Variants in DGKB observed in about 807,000 individuals in gnomAD.
DGKB encodes 90 kDa diacylglycerol kinase.
Under a neutral mutation model 114.3 loss-of-function variants are expected in DGKB, and 67 were observed. The ratio of observed to expected loss-of-function variants is 0.59; its 90% CI spans 0.48 to 0.72. DGKB has a LOEUF of 0.72. DGKB is among the 30% of genes least tolerant of loss of function. The probability of loss-of-function intolerance (pLI) is 0.00; values close to 1 mark genes in which losing one functional copy is unlikely to be tolerated. For missense variants in DGKB, 907 were observed against 975.2 expected, an observed-to-expected ratio of 0.93 and a Z score of 0.93; for synonymous variants, 398 against 323.1, an observed-to-expected ratio of 1.23 and a Z score of -2.49.
chr7:14,486,638 A>G (rs1783856662), intron 20 of DGKB, among the ~76,000 whole-genome samples: 1 of 152,160 alleles, frequency 6.6e-6, no homozygotes, highest in East Asian at 1.9e-4. Flanking sequence ...GCTGTCTTCT[A>G]TACAGGACAT....
At chr7:14,746,327 C>T (rs186449599) in intron 4 of DGKB, among the ~76,000 whole-genome samples, 90 of 151,684 alleles carry the variant, frequency 5.9e-4, no homozygotes, top group Non-Finnish European at 1.1e-3. Flanking sequence ...GAGTGAGACT[C>T]CATATACAAA....
rs926986370 is a variant in DGKB at position 14,393,467 on chromosome 7, A to G, written c.1836-48076T>C. Among the ~76,000 whole-genome samples, 3 of 152,332 alleles carry G rather than the reference A, an allele frequency of 2.0e-5. No individual in the cohort carries two copies. In the East Asian group the frequency reaches 5.8e-4, roughly 29 times the overall value. ...ATTATATTTTTAATGTTATTAATGC[A>G]TACTATGTAGAAATTTATTCTTTCT... On this transcript the variant is annotated intron_variant, in intron 21 of 25. Coordinates refer to ENST00000402815, the MANE Select transcript of DGKB (RefSeq NM_001350709.2).
intron 20 of DGKB, among the ~76,000 whole-genome samples, chr7:14,549,380 C>T (rs1794781070): frequency 6.6e-6 from 1 of 151,756 alleles, no homozygotes; most frequent in Admixed American, 6.6e-5. Context: ...TTGTTTTACC[C>T]CCAGAAATTA....
rs888526500 is a variant in DGKB, at chr7:14,523,412, C to A, written c.1771-45187G>T. Among the ~76,000 whole-genome samples the A allele has an allele frequency of 2.6e-5, 4 of 152,192 alleles. No homozygotes were observed. The East Asian group carries it at 7.7e-4, about 29-fold the overall frequency. ...CCATGCATGCTCCCTCAGGTGCAGC[C>A]TTCTTAACTGGCTGAAAAATAGGTC... On this transcript the variant is annotated intron_variant, in intron 20 of 25. Transcript: ENST00000402815.
intron 20 of DGKB, among the ~76,000 whole-genome samples, chr7:14,559,914 C>CTCCTTCCT (rs1281944644): frequency 6.8e-6 from 1 of 147,022 alleles, no homozygotes; most frequent in African/African-American, 2.5e-5. Context: ...TCTTTTGTTT[C>CTCCTTCCT]TCCTTCCTTC....
chr7:14,697,038 G>A (rs913971547), intron 8 of DGKB, among the ~76,000 whole-genome samples: 1 of 152,020 alleles, frequency 6.6e-6, no homozygotes, highest in East Asian at 1.9e-4. Context: ...CTTTGCTAAA[G>A]GTTTTAAAAA....
chr7:14,776,643 T>C (rs1838241776), intron 2 of DGKB, among the ~76,000 whole-genome samples: 1 of 152,172 alleles, frequency 6.6e-6, no homozygotes, highest in East Asian at 1.9e-4. Context: ...AGAATTGAGA[T>C]TTGGAAACCT....
chr7:14,319,216 A>G (rs1807250881), intron 23 of DGKB, among the ~76,000 whole-genome samples: 1 of 151,870 alleles, frequency 6.6e-6, no homozygotes, highest in South Asian at 2.1e-4. Flanking sequence ...GCAGCACACC[A>G]GCGTGGCACA....
chr7:14,257,619 C>T (rs913422562), intron 23 of DGKB, among the ~76,000 whole-genome samples: 1 of 152,110 alleles, frequency 6.6e-6, no homozygotes, highest in African/African-American at 2.4e-5. Flanking sequence ...TTCCCCTTTG[C>T]TTGGCAGTTC....
At chr7:14,970,109 T>C (rs898957169) in intron 1 of DGKB, among the ~76,000 whole-genome samples, 1 of 152,174 alleles carries the variant, frequency 6.6e-6, no homozygotes, top group African/African-American at 2.4e-5. Flanking sequence ...GGGTTGGGCT[T>C]AATTAATCCC....
chr7:14,226,643 G>A (rs1198952025), intron 23 of DGKB, among the ~76,000 whole-genome samples: 5 of 151,860 alleles, frequency 3.3e-5, no homozygotes, highest in Non-Finnish European at 5.9e-5. Context: ...ATTATCTTAT[G>A]ATTCATACAC....
At chr7:14,677,447 T>C (rs1820066580) in intron 12 of DGKB, among the ~76,000 whole-genome samples, 1 of 152,052 alleles carries the variant, frequency 6.6e-6, no homozygotes, top group African/African-American at 2.4e-5. Context: ...GAAGCAGAAA[T>C]GTTTCCATGG....
intron 21 of DGKB, among the ~76,000 whole-genome samples, chr7:14,395,194 TA>T (rs1822032499): frequency 6.6e-6 from 1 of 152,076 alleles, no homozygotes; most frequent in Non-Finnish European, 1.5e-5. Context: ...AGACAGTCAA[TA>T]AAAAGCTTGT....
intron 5 of DGKB, among the ~76,000 whole-genome samples, chr7:14,719,720 C>T (rs17669801): frequency 0.036 from 5,426 of 152,250 alleles, 139 homozygotes; most frequent in Non-Finnish European, 0.054. Flanking sequence ...ATCACCTCGT[C>T]AAGCCATCTC....
At chr7:14,962,263 G>A (rs1460801815) in intron 1 of DGKB, among the ~76,000 whole-genome samples, 1 of 152,068 alleles carries the variant, frequency 6.6e-6, no homozygotes, top group African/African-American at 2.4e-5. Flanking sequence ...AGTGAATAAG[G>A]TAATTTTCAG....
At chr7:14,229,825 T>C (rs1170770709) in intron 23 of DGKB, among the ~76,000 whole-genome samples, 3 of 151,946 alleles carry the variant, frequency 2.0e-5, no homozygotes, top group Admixed American at 6.6e-5. Context: ...ATTCCGTCCA[T>C]GCCAAGATAA....
intron 20 of DGKB, among the ~76,000 whole-genome samples, chr7:14,521,095 T>C (rs1001532728): frequency 4.6e-5 from 7 of 152,270 alleles, no homozygotes; most frequent in Admixed American, 3.3e-4. Context: ...TTTACCTGTA[T>C]GTAAAGAGTT....
At chr7:14,958,458 C>T (rs1484963878) in intron 1 of DGKB, among the ~76,000 whole-genome samples, 1 of 151,462 alleles carries the variant, frequency 6.6e-6, no homozygotes, top group Non-Finnish European at 1.5e-5. Flanking sequence ...CACACACACA[C>T]ACACACACAC....
intron 2 of DGKB, among the ~76,000 whole-genome samples, chr7:14,789,178 T>C (rs980227892): frequency 3.3e-5 from 5 of 152,020 alleles, no homozygotes; most frequent in African/African-American, 1.2e-4. Flanking sequence ...TTTCTCTAAA[T>C]GGTAATGTCT....
Sources: gnomAD v4.1 joint callset for allele counts (sites outside exome capture counted in the v4.1 genomes callset) on GRCh38, gnomAD v4.1.1 for gene constraint, MANE v1.5 for transcripts, NCBI Gene and HGNC (gene_info 2026-07-23, HGNC 2026-07-21) for gene names.